SORL1: variants seen among roughly 807,000 people sequenced by gnomAD.
The protein encoded by SORL1 is sortilin related receptor 1.
SORL1 carries 127 observed loss-of-function variants against 273.7 expected under a neutral mutation model. The observed-to-expected ratio is 0.46, with a 90% confidence interval of 0.40 to 0.54. The LOEUF is 0.54. Among genes scored for constraint, SORL1 ranks in the 20% least tolerant of loss-of-function variants. SORL1 has a pLI of 0.00. For synonymous variants in SORL1, 1,031 were observed against 1,067.4 expected, an observed-to-expected ratio of 0.97 and a Z score of 0.66; for missense variants, 2,494 against 2,846.1, an observed-to-expected ratio of 0.88 and a Z score of 2.81.
Position 121,625,185 on chromosome 11 carries a change from A to G in SORL1, c.6272A>G (p.His2091Arg), listed in dbSNP as rs1002228327. Reference sequence around the variant, plus strand: ...AAAATTTCCAACCTGAAGATGGGTCATAATTACACGTTCACCGTCCAAGCA... The same window carrying G: ...AAAATTTCCAACCTGAAGATGGGTCGTAATTACACGTTCACCGTCCAAGCA... ...FFKISNLKMG[H>R]NYTFTVQARC... Residue 2091 changes from histidine to arginine, a missense_variant, in exon 46 of 48, where the codon CAT becomes CGT. By Grantham distance (29) the His-to-Arg change is conservative (BLOSUM62 0). Around this residue, in one of 3 missense-constraint regions of SORL1, gnomAD observed 1,609 missense variants for 1,816.4 expected, o/e 0.89. Transcript: ENST00000260197. 1.2e-6 allele frequency: 2 copies of G among 1,613,982 alleles called. No individual in the cohort carries two copies. Among genetic ancestry groups the G allele is most frequent in the Admixed American group, 1.7e-5 (1 of 60,010 alleles).
At chr11:121,625,336 A>C in intron 46 of SORL1, 59 bp downstream of exon 46, 1 of 1,342,680 alleles carries the variant, frequency 7.4e-7, no homozygotes, top group Non-Finnish European at 1.0e-6. Context: ...CAAGAATGTC[A>C]TATGGTTTCA....
rs568534140 is a variant in SORL1 at position 121,519,850 on chromosome 11, G to A, written c.1212-807G>A. ...GTGATGTAATAGATGTGACTCTTTC[G>A]TCAACTTTTGTATGTTATATTCATC... On this transcript the variant is annotated intron_variant, in intron 8 of 47. Transcript: ENST00000260197. Among the ~76,000 whole-genome samples, 84 of 152,262 alleles carry A rather than the reference G, an allele frequency of 5.5e-4. No homozygotes were observed. In the East Asian group the frequency reaches 6.2e-3, roughly 11 times the overall value.
chr11:121,607,516 A>T (rs1446997178), intron 37 of SORL1, among the ~76,000 whole-genome samples: 5 of 152,182 alleles, frequency 3.3e-5, no homozygotes, highest in Non-Finnish European at 7.3e-5. Context: ...CCGGGCGTTT[A>T]TGGGAATGCC....
intron 11 of SORL1, among the ~76,000 whole-genome samples, chr11:121,525,676 TTAA>T (rs1448081493): frequency 6.6e-6 from 1 of 152,268 alleles, no homozygotes; most frequent in East Asian, 1.9e-4. Flanking sequence ...TGTGTGATTA[TTAA>T]TGATTCTTTT....
chr11:121,568,491 T>TGCC (rs1194424431), intron 22 of SORL1, among the ~76,000 whole-genome samples: 2 of 152,252 alleles, frequency 1.3e-5, no homozygotes, highest in African/African-American at 4.8e-5. Flanking sequence ...TGATGCAGTT[T>TGCC]GCCAAACTAT....
At chr11:121,556,703 A>T (rs1163034383) in intron 18 of SORL1, among the ~76,000 whole-genome samples, 1 of 152,138 alleles carries the variant, frequency 6.6e-6, no homozygotes, top group Admixed American at 6.5e-5. Flanking sequence ...AAGAGTTAGG[A>T]AAGTAGGCAG....
At chr11:121,611,826 G>GC (rs1863568070) in intron 39 of SORL1, 1 of 152,284 alleles carries the variant, frequency 6.6e-6, no homozygotes, top group Non-Finnish European at 1.5e-5. Flanking sequence ...CATGACCTTG[G>GC]CTTCAGAATG....
intron 12 of SORL1, among the ~76,000 whole-genome samples, chr11:121,534,211 A>C (rs908337476): frequency 2.0e-5 from 3 of 152,192 alleles, no homozygotes; most frequent in Non-Finnish European, 2.9e-5. Context: ...TGGCTTTCAG[A>C]TTTCAGAGTC....
At chr11:121,544,257 T>A (rs1862390933) in intron 13 of SORL1, among the ~76,000 whole-genome samples, 1 of 152,190 alleles carries the variant, frequency 6.6e-6, no homozygotes, top group African/African-American at 2.4e-5. Flanking sequence ...AACCTGATTC[T>A]AGCTGCCCGG....
chr11:121,481,188 A>G, intron 3 of SORL1, among the ~76,000 whole-genome samples: 1 of 110,774 alleles, frequency 9.0e-6, no homozygotes, highest in Non-Finnish European at 1.9e-5. Flanking sequence ...GGCAGGCTCC[A>G]TCTCCTCCTC....
intron 19 of SORL1, among the ~76,000 whole-genome samples, chr11:121,557,865 ATAAT>A (rs1862614639): frequency 6.6e-6 from 1 of 152,258 alleles, no homozygotes; most frequent in Admixed American, 6.5e-5. Flanking sequence ...TGAAGGAAAC[ATAAT>A]TAAGAGGGAA....
chr11:121,553,563 A>G (rs1862535447), intron 16 of SORL1, among the ~76,000 whole-genome samples: 1 of 152,240 alleles, frequency 6.6e-6, no homozygotes. Flanking sequence ...GTGGTGATAC[A>G]GTCACGTGAG....
chr11:121,517,354 T>C (rs755677701), intron 8 of SORL1, among the ~76,000 whole-genome samples: 4 of 152,232 alleles, frequency 2.6e-5, no homozygotes, highest in Non-Finnish European at 5.9e-5. Context: ...ACCTTCTGTG[T>C]CTGGCTTCTT....
intron 22 of SORL1, among the ~76,000 whole-genome samples, chr11:121,568,910 T>C (rs150554762): frequency 0.01 from 1,583 of 152,304 alleles, 18 homozygotes; most frequent in African/African-American, 0.036. Flanking sequence ...TGTAGACACG[T>C]GTGCTTGGCA....
intron 41 of SORL1, among the ~76,000 whole-genome samples, chr11:121,615,724 A>T (rs182387011): frequency 6.6e-6 from 1 of 152,310 alleles, no homozygotes; most frequent in East Asian, 1.9e-4. Context: ...GGGCTGAGTC[A>T]TAGGGAAATA....
intron 4 of SORL1, among the ~76,000 whole-genome samples, chr11:121,488,440 T>C (rs1207267428): frequency 3.9e-5 from 6 of 152,182 alleles, no homozygotes; most frequent in Non-Finnish European, 5.9e-5. Context: ...TTAAACATCA[T>C]GCCCTTCTCC....
At chr11:121,507,260 G>C (rs1402151465) in intron 6 of SORL1, among the ~76,000 whole-genome samples, 1 of 152,132 alleles carries the variant, frequency 6.6e-6, no homozygotes, top group Non-Finnish European at 1.5e-5. Flanking sequence ...GTCTGGGTAT[G>C]GGTCTCTGAG....
intron 8 of SORL1, among the ~76,000 whole-genome samples, chr11:121,518,381 A>G (rs752700252): frequency 6.6e-6 from 1 of 152,122 alleles, no homozygotes; most frequent in Non-Finnish European, 1.5e-5. Context: ...AAAGGAAAGG[A>G]TGGGCTGGGA....
intron 25 of SORL1, among the ~76,000 whole-genome samples, chr11:121,579,096 C>T (rs753657769): frequency 1.1e-4 from 16 of 152,138 alleles, no homozygotes; most frequent in African/African-American, 1.7e-4. Flanking sequence ...CAGCATGTGC[C>T]GGTCTTACAG....
Sources: gnomAD v4.1 joint callset for allele counts (sites outside exome capture counted in the v4.1 genomes callset) on GRCh38, gnomAD v4.1.1 for gene constraint, gnomAD v4.1.1 regional missense constraint, MANE v1.5 for transcripts, NCBI Gene and HGNC (gene_info 2026-07-23, HGNC 2026-07-21) for gene names.